The following ACMSD variants were observed in gnomAD, a reference collection of about 807,000 sequenced individuals.
ACMSD encodes the protein 2-amino-3-carboxymuconate-6-semialdehyde decarboxylase.
Under a neutral mutation model 45.9 loss-of-function variants are expected in ACMSD, and 37 were observed. That is an observed-to-expected ratio of 0.81 (90% CI 0.62 to 1.06). ACMSD has a LOEUF of 1.06. Among genes scored for constraint, ACMSD ranks in the 50% least tolerant of loss-of-function variants. The pLI is 0.00. For synonymous variants in ACMSD, 138 were observed against 148.8 expected, an observed-to-expected ratio of 0.93 and a Z score of 0.53; for missense variants, 434 against 420.9, an observed-to-expected ratio of 1.03 and a Z score of -0.27.
At chr2:134,866,463 AGC>A (rs1272175404) in intron 5 of ACMSD, among the ~76,000 whole-genome samples, 24 of 152,286 alleles carry the variant, frequency 1.6e-4, no homozygotes, top group African/African-American at 5.8e-4. Flanking sequence ...GAAACCAATT[AGC>A]TTCTCTCTCT....
chr2:134,850,658 TTTA>T (rs58798180), intron 2 of ACMSD, among the ~76,000 whole-genome samples: 1 of 151,078 alleles, frequency 6.6e-6, no homozygotes, highest in African/African-American at 2.4e-5. Flanking sequence ...TTAAGAATAA[TTTA>T]TTATTATTAT....
At chr2:134,877,749 G>C (rs1213282624) in intron 8 of ACMSD, 1 of 152,132 alleles carries the variant, frequency 6.6e-6, no homozygotes, top group African/African-American at 2.4e-5. Flanking sequence ...ACACACCAGA[G>C]AGAAGCTATC....
At chr2:134,853,849 T>C (rs947788437) in intron 2 of ACMSD, among the ~76,000 whole-genome samples, 2 of 152,220 alleles carry the variant, frequency 1.3e-5, no homozygotes, top group African/African-American at 4.8e-5. Context: ...AAAGTGAAGT[T>C]TGGTGAGTCT....
chr2:134,843,923 TCA>T (rs1686928766), intron 1 of ACMSD, among the ~76,000 whole-genome samples: 1 of 152,202 alleles, frequency 6.6e-6, no homozygotes, highest in Non-Finnish European at 1.5e-5. Context: ...CACCTGTGCA[TCA>T]CAGTCACAGT....
At chr2:134,877,984 C>A (rs1244273766) in intron 8 of ACMSD, among the ~76,000 whole-genome samples, 1 of 152,122 alleles carries the variant, frequency 6.6e-6, no homozygotes, top group Non-Finnish European at 1.5e-5. Context: ...ACACCCTCAC[C>A]CCTACCAAGA....
intron 8 of ACMSD, among the ~76,000 whole-genome samples, chr2:134,885,358 T>TTATATATATAAATATATATG (rs1559065116): frequency 8.2e-4 from 85 of 104,082 alleles, no homozygotes; most frequent in African/African-American, 3.4e-3. Context: ...TAATATATAT[T>TTATATATATAAATATATATG]TACATATATA....
intron 9 of ACMSD, among the ~76,000 whole-genome samples, chr2:134,900,601 T>G (rs1343867613): frequency 6.6e-6 from 1 of 152,208 alleles, no homozygotes; most frequent in Non-Finnish European, 1.5e-5. Flanking sequence ...GATCTTACTT[T>G]GTAAGAATGC....
chr2:134,880,204 G>A (rs955186313), intron 8 of ACMSD, among the ~76,000 whole-genome samples: 1 of 152,070 alleles, frequency 6.6e-6, no homozygotes, highest in Non-Finnish European at 1.5e-5. Flanking sequence ...GTAATGCAAT[G>A]ACATCCTAAT....
chr2:134,862,810 G>C (rs1687907938), intron 4 of ACMSD, among the ~76,000 whole-genome samples: 1 of 152,244 alleles, frequency 6.6e-6, no homozygotes, highest in Non-Finnish European at 1.5e-5. Context: ...GCAGTGGGCA[G>C]TGGGGTGACA....
chr2:134,876,255 TTC>T (rs967642124), intron 8 of ACMSD, among the ~76,000 whole-genome samples: 9 of 152,194 alleles, frequency 5.9e-5, no homozygotes, highest in Non-Finnish European at 1.0e-4. Flanking sequence ...TTTAAAAATT[TTC>T]TTTCTTCAAT....
intron 3 of ACMSD, 75 bp from the exon 4 acceptor site, chr2:134,861,894 C>G (rs941480228): frequency 1.7e-5 from 27 of 1,548,174 alleles, no homozygotes; most frequent in Admixed American, 1.3e-4. Context: ...CTTGCTGCCG[C>G]TTGGCCTTGG....
intron 8 of ACMSD, among the ~76,000 whole-genome samples, chr2:134,887,961 G>A (rs1344547114): frequency 6.6e-6 from 1 of 152,142 alleles, no homozygotes; most frequent in Non-Finnish European, 1.5e-5. Flanking sequence ...CCTGGAAGCA[G>A]GCAAAAATTT....
At chr2:134,874,140 T>G (rs1362298990) in intron 8 of ACMSD, among the ~76,000 whole-genome samples, 5 of 152,206 alleles carry the variant, frequency 3.3e-5, no homozygotes, top group African/African-American at 7.2e-5. Context: ...AAATGCTTCA[T>G]GTTAACCAGT....
chr2:134,898,935 T>A (rs540793194), intron 9 of ACMSD, among the ~76,000 whole-genome samples: 101 of 152,170 alleles, frequency 6.6e-4, no homozygotes, highest in African/African-American at 2.2e-3. Flanking sequence ...AATGCTACCA[T>A]TACCTAGTCT....
chr2:134,864,956 C>T (rs1483742985), intron 5 of ACMSD, among the ~76,000 whole-genome samples: 1 of 152,138 alleles, frequency 6.6e-6, no homozygotes, highest in East Asian at 1.9e-4. Flanking sequence ...TACTCAATTG[C>T]ATTTTTTAAT....
chr2:134,884,703 T>C (rs964602121), intron 8 of ACMSD, among the ~76,000 whole-genome samples: 34 of 152,190 alleles, frequency 2.2e-4, no homozygotes, highest in Admixed American at 1.4e-3. Context: ...TTTGGTTTCA[T>C]ACAGCAATGA....
rs750192483 is a variant in ACMSD at position 134,862,015 on chromosome 2, C to G, written c.246C>G (p.Tyr82Ter). 2.5e-6 allele frequency: 4 copies of G among 1,614,026 alleles called. No homozygotes were observed. The African/African-American group carries it at 5.3e-5, about 22-fold the overall frequency. ...ALSTVPVMFS[Y>*]WAKPEDTLNL... ...CCACAGTTCCTGTCATGTTTAGCTA[C>G]TGGGTGAGTGTGAAACCTCAAGCCA... The change falls in exon 4 of 10, where the codon TAC (tyrosine) becomes TAG (stop). Residue 82 changes from tyrosine (Y) to a stop codon, truncating the protein, a stop_gained. Transcript: ENST00000356140. LOFTEE classifies it high-confidence loss of function.
chr2:134,869,706 G>GTATATATATATATATATATATA (rs149963659), intron 6 of ACMSD, among the ~76,000 whole-genome samples: 1 of 145,314 alleles, frequency 6.9e-6, no homozygotes, highest in African/African-American at 2.5e-5. Context: ...TTATAAACAA[G>GTATATATATATATATATATATA]TATATATATA....
chr2:134,866,353 A>T (rs1388953459), intron 5 of ACMSD, among the ~76,000 whole-genome samples: 1 of 152,238 alleles, frequency 6.6e-6, no homozygotes, highest in African/African-American at 2.4e-5. Context: ...TATCCAAATG[A>T]GGAGTCAAAT....
Sources: gnomAD v4.1 joint callset for allele counts (sites outside exome capture counted in the v4.1 genomes callset) on GRCh38, gnomAD v4.1.1 for gene constraint, MANE v1.5 for transcripts, NCBI Gene and HGNC (gene_info 2026-07-23, HGNC 2026-07-21) for gene names.